THSD7B: variants seen among roughly 807,000 people sequenced by gnomAD.
THSD7B encodes the protein thrombospondin type-1 domain-containing protein 7B.
Under a neutral mutation model 213.6 loss-of-function variants are expected in THSD7B, and 138 were observed. The ratio of observed to expected loss-of-function variants is 0.65; its 90% CI spans 0.56 to 0.74. The LOEUF is 0.74. Ranked by LOEUF, THSD7B falls within the 30% of genes least tolerant of loss-of-function variation. THSD7B has a pLI of 0.00. For missense variants in THSD7B, 1,931 were observed against 1,991.5 expected (o/e 0.97, Z 0.58); for synonymous variants, 742 against 687.0 (o/e 1.08, Z -1.25).
At chr2:137,409,984 T>G (rs11680454) in intron 13 of THSD7B, among the ~76,000 whole-genome samples, 86,548 of 151,940 alleles carry the variant, frequency 0.57, 27,408 homozygotes, top group East Asian at 0.77. Context: ...CAGGGTTAAG[T>G]GGGTTTAGAA....
chr2:137,470,136 G>A (rs1688065059), intron 15 of THSD7B, among the ~76,000 whole-genome samples: 1 of 152,124 alleles, frequency 6.6e-6, no homozygotes, highest in Non-Finnish European at 1.5e-5. Context: ...AGAAGCAGAA[G>A]AGTTTTATGC....
At chr2:137,081,093 C>A (rs1687739576) in intron 3 of THSD7B, among the ~76,000 whole-genome samples, 1 of 151,826 alleles carries the variant, frequency 6.6e-6, no homozygotes, top group African/African-American at 2.4e-5. Flanking sequence ...TTATTTTTTG[C>A]ATTTTAAAAT....
At chr2:136,926,396 A>C (rs1385165790) in intron 2 of THSD7B, among the ~76,000 whole-genome samples, 2 of 151,638 alleles carry the variant, frequency 1.3e-5, no homozygotes, top group Non-Finnish European at 1.5e-5. Flanking sequence ...CTTAAAAAAA[A>C]AAGTTAAAAA....
intron 12 of THSD7B, among the ~76,000 whole-genome samples, chr2:137,401,587 G>A (rs1686362752): frequency 6.6e-6 from 1 of 150,574 alleles, no homozygotes; most frequent in African/African-American, 2.4e-5. Flanking sequence ...TTCCTGGTCT[G>A]AACTGATGAT....
chr2:137,536,220 G>C (rs1680504737), intron 15 of THSD7B, among the ~76,000 whole-genome samples: 2 of 150,996 alleles, frequency 1.3e-5, no homozygotes, highest in African/African-American at 4.9e-5. Context: ...ACAGATCCCA[G>C]TCTCAAAACA....
intron 1 of THSD7B, among the ~76,000 whole-genome samples, chr2:136,777,568 T>A (rs890807479): frequency 6.6e-6 from 1 of 152,170 alleles, no homozygotes; most frequent in African/African-American, 2.4e-5. Flanking sequence ...AATCTTAGTA[T>A]ATGAGAGGAG....
At chr2:137,003,438 A>G (rs999463286) in intron 2 of THSD7B, among the ~76,000 whole-genome samples, 9 of 152,222 alleles carry the variant, frequency 5.9e-5, no homozygotes, top group African/African-American at 2.2e-4. Flanking sequence ...GGGTGTAACA[A>G]TAGAAGAATT....
intron 12 of THSD7B, among the ~76,000 whole-genome samples, chr2:137,402,485 A>C (rs1325453519): frequency 6.6e-6 from 1 of 152,098 alleles, no homozygotes; most frequent in East Asian, 1.9e-4. Context: ...AATGTGAATA[A>C]AATATTCTAA....
intron 2 of THSD7B, among the ~76,000 whole-genome samples, chr2:137,047,070 C>G (rs959981928): frequency 1.3e-5 from 2 of 152,058 alleles, no homozygotes; most frequent in African/African-American, 4.8e-5. Flanking sequence ...TCCTATAGGA[C>G]CACAATAGGG....
intron 3 of THSD7B, among the ~76,000 whole-genome samples, chr2:137,058,548 T>C (rs777928152): frequency 1.2e-4 from 18 of 152,170 alleles, no homozygotes; most frequent in Non-Finnish European, 2.4e-4. Context: ...CTCCAACATA[T>C]AGTTTTTTCC....
intron 12 of THSD7B, among the ~76,000 whole-genome samples, chr2:137,375,973 A>G (rs1290393872): frequency 1.3e-5 from 2 of 152,254 alleles, no homozygotes; most frequent in Non-Finnish European, 2.9e-5. Flanking sequence ...AAAGTTCCTT[A>G]GAAGATGTTT....
intron 7 of THSD7B, among the ~76,000 whole-genome samples, chr2:137,181,738 T>TC (rs1322303092): frequency 6.6e-6 from 1 of 152,026 alleles, no homozygotes; most frequent in Non-Finnish European, 1.5e-5. Flanking sequence ...TCTCTGGCAC[T>TC]CCCCCATGGA....
At chr2:137,131,620 C>G (rs182061431) in intron 5 of THSD7B, among the ~76,000 whole-genome samples, 2 of 152,140 alleles carry the variant, frequency 1.3e-5, no homozygotes, top group Admixed American at 1.3e-4. Context: ...TTCCCAGCAC[C>G]ATTTATTAAA....
At chr2:137,026,782 G>T (rs576249629) in intron 2 of THSD7B, among the ~76,000 whole-genome samples, 2 of 152,236 alleles carry the variant, frequency 1.3e-5, no homozygotes, top group South Asian at 4.1e-4. Context: ...GTAATTTTCT[G>T]ATAAGGATTT....
Position 137,115,275 on chromosome 2 carries a change from G to T in THSD7B, c.1351G>T (p.Ala451Ser), listed in dbSNP as rs747662713. The T allele has an allele frequency of 1.1e-5, 17 of 1,577,910 alleles. No homozygotes were observed. Among genetic ancestry groups the T allele is most frequent in the Admixed American group, 9.3e-5 (5 of 53,788 alleles). The change falls in exon 5 of 28, where the codon GCA becomes TCA. Residue 451 changes from alanine to serine, a missense_variant. Ala to Ser is a moderately conservative substitution (Grantham distance 99). Transcript: ENST00000409968. ...YCAQSVPAAAALRAKEVSRPV... is the reference protein window; with the variant it reads ...YCAQSVPAAASLRAKEVSRPV... ...TGCCCAGAGCGTACCAGCAGCTGCC[G>T]CACTGAGGGCCAAGGAAGGTAGGCA...
At chr2:137,524,351 C>T (rs565090083) in intron 15 of THSD7B, among the ~76,000 whole-genome samples, 2 of 152,262 alleles carry the variant, frequency 1.3e-5, no homozygotes, top group South Asian at 4.1e-4. Context: ...GAAATCACTG[C>T]TTGGCTGGCA....
chr2:137,643,999 G>C (rs1235351995), intron 21 of THSD7B, among the ~76,000 whole-genome samples: 1 of 152,144 alleles, frequency 6.6e-6, no homozygotes, highest in Non-Finnish European at 1.5e-5. Flanking sequence ...GCTATGTTTT[G>C]CTGTCAAATG....
intron 27 of THSD7B, 149 bp downstream of exon 27, chr2:137,668,010 G>T: frequency 1.8e-6 from 1 of 541,706 alleles, no homozygotes; most frequent in East Asian, 3.3e-5. Context: ...TTGAAATGAG[G>T]AATCATTATT....
At chr2:137,602,897 CTG>C (rs1682102574) in intron 17 of THSD7B, among the ~76,000 whole-genome samples, 1 of 152,164 alleles carries the variant, frequency 6.6e-6, no homozygotes, top group Admixed American at 6.5e-5. Context: ...TGCCACATGT[CTG>C]TATCTACCAT....
Sources: gnomAD v4.1 joint callset for allele counts (sites outside exome capture counted in the v4.1 genomes callset) on GRCh38, gnomAD v4.1.1 for gene constraint, MANE v1.5 for transcripts, NCBI Gene and HGNC (gene_info 2026-07-23, HGNC 2026-07-21) for gene names.